The following FHIT variants were observed in gnomAD, a reference collection of about 807,000 sequenced individuals.
The protein encoded by FHIT is bis(5'-adenosyl)-triphosphatase.
FHIT carries 19 observed loss-of-function variants against 17.9 expected under a neutral mutation model. The observed-to-expected ratio is 1.06, with a 90% CI of 0.74 to 1.56. FHIT has a LOEUF of 1.56. Among genes scored for constraint, FHIT ranks in the 40% most tolerant of loss-of-function variants. FHIT has a pLI of 0.00. For synonymous variants in FHIT, 81 were observed against 69.7 expected (o/e 1.16, Z -0.81); for missense variants, 248 against 189.2 (o/e 1.31, Z -1.82).
chr3:61,123,143 C>T (rs1264468079), intron 2 of FHIT, among the ~76,000 whole-genome samples: 6 of 152,146 alleles, frequency 3.9e-5, no homozygotes, highest in Non-Finnish European at 2.9e-5. Flanking sequence ...AAATGTGGCA[C>T]ATATACACCA....
At chr3:60,145,912 G>A (rs1424617222) in intron 5 of FHIT, among the ~76,000 whole-genome samples, 2 of 152,038 alleles carry the variant, frequency 1.3e-5, no homozygotes, top group Non-Finnish European at 2.9e-5. Context: ...AATCTGTCAG[G>A]TTGTTATAAA....
intron 8 of FHIT, among the ~76,000 whole-genome samples, chr3:59,843,703 G>A (rs1052491853): frequency 6.6e-6 from 1 of 151,280 alleles, no homozygotes; most frequent in Non-Finnish European, 1.5e-5. Context: ...GGATAAAAAT[G>A]CAATGTATTT....
chr3:59,898,334 T>A (rs1229765321), intron 8 of FHIT, among the ~76,000 whole-genome samples: 1 of 152,140 alleles, frequency 6.6e-6, no homozygotes, highest in African/African-American at 2.4e-5. Context: ...ATCTGACAAC[T>A]GAACCACTTC....
intron 5 of FHIT, among the ~76,000 whole-genome samples, chr3:60,481,030 C>T (rs991030818): frequency 5.3e-5 from 8 of 152,160 alleles, no homozygotes; most frequent in Non-Finnish European, 1.2e-4. Context: ...GAGGGCTCTG[C>T]CCCTGCAGTA....
At chr3:60,537,251 C>T (rs1182323177) in intron 4 of FHIT, among the ~76,000 whole-genome samples, 1 of 152,044 alleles carries the variant, frequency 6.6e-6, no homozygotes, top group Non-Finnish European at 1.5e-5. Flanking sequence ...CCCTTCACTC[C>T]CTCTGCACTT....
chr3:60,521,922 T>C (rs2035383305), intron 5 of FHIT, among the ~76,000 whole-genome samples: 1 of 152,088 alleles, frequency 6.6e-6, no homozygotes, highest in African/African-American at 2.4e-5. Context: ...CTTGTAACCA[T>C]CATTTCCATG....
At chr3:60,260,571 C>A (rs1171661068) in intron 5 of FHIT, among the ~76,000 whole-genome samples, 1 of 151,952 alleles carries the variant, frequency 6.6e-6, no homozygotes, top group African/African-American at 2.4e-5. Flanking sequence ...GCCTCTATAA[C>A]CTTAATGAAT....
chr3:60,173,884 A>AATATATATATATATATATATATAT (rs776742490), intron 5 of FHIT, among the ~76,000 whole-genome samples: 4 of 30,504 alleles, frequency 1.3e-4, no homozygotes, highest in East Asian at 1.4e-3. Flanking sequence ...CCATGTTTCT[A>AATATATATATATATATATATATAT]ATATATATAT....
At chr3:61,063,640 T>G (rs373381960) in intron 2 of FHIT, among the ~76,000 whole-genome samples, 1 of 151,928 alleles carries the variant, frequency 6.6e-6, no homozygotes, top group Admixed American at 6.6e-5. Flanking sequence ...CACAAATGAA[T>G]ATGGGGGCCA....
At chr3:60,489,571 A>G (rs2033978742) in intron 5 of FHIT, among the ~76,000 whole-genome samples, 1 of 152,192 alleles carries the variant, frequency 6.6e-6, no homozygotes, top group Non-Finnish European at 1.5e-5. Context: ...AAGTCCACTT[A>G]TCACTCACAC....
At chr3:59,996,113 G>A (rs566742575) in intron 7 of FHIT, among the ~76,000 whole-genome samples, 5 of 152,150 alleles carry the variant, frequency 3.3e-5, no homozygotes, top group African/African-American at 1.2e-4. Flanking sequence ...GAATAAAGAC[G>A]ATGTGTGCTA....
intron 5 of FHIT, among the ~76,000 whole-genome samples, chr3:60,296,849 A>AT (rs1209299014): frequency 6.8e-6 from 1 of 147,472 alleles, no homozygotes; most frequent in African/African-American, 2.5e-5. Context: ...GTATAGGTTA[A>AT]TTTTTTTTCC....
At chr3:61,129,212 C>T (rs1199063496) in intron 2 of FHIT, among the ~76,000 whole-genome samples, 1 of 152,212 alleles carries the variant, frequency 6.6e-6, no homozygotes, top group Admixed American at 6.5e-5. Flanking sequence ...AACAGCATGC[C>T]AGTCCCAATG....
chr3:60,779,465 C>G (rs1244530898), intron 4 of FHIT, among the ~76,000 whole-genome samples: 1 of 152,058 alleles, frequency 6.6e-6, no homozygotes, highest in Non-Finnish European at 1.5e-5. Flanking sequence ...ATAGGGTGCC[C>G]ATTACCAGGA....
intron 1 of FHIT, among the ~76,000 whole-genome samples, chr3:61,208,106 T>C (rs969097998): frequency 9.9e-5 from 15 of 152,198 alleles, no homozygotes; most frequent in Non-Finnish European, 1.9e-4. Context: ...TTGTTCAGTT[T>C]CCATGTAATT....
chr3:60,162,148 C>G (rs1288325308), intron 5 of FHIT, among the ~76,000 whole-genome samples: 2 of 152,106 alleles, frequency 1.3e-5, no homozygotes, highest in Non-Finnish European at 2.9e-5. Context: ...AAAGGCCATT[C>G]TAGTGCTATT....
At chr3:60,293,048 ACATTAAACC>A (rs1708058258) in intron 5 of FHIT, among the ~76,000 whole-genome samples, 1 of 152,338 alleles carries the variant, frequency 6.6e-6, no homozygotes, top group Non-Finnish European at 1.5e-5. Flanking sequence ...TACATATAGT[ACATTAAACC>A]CACAGCTTTC....
chr3:60,828,633 C>T (rs556436105), intron 3 of FHIT, among the ~76,000 whole-genome samples: 2 of 151,952 alleles, frequency 1.3e-5, no homozygotes, highest in South Asian at 2.1e-4. Flanking sequence ...AATCCCAGCA[C>T]GTTGGGAGGT....
chr3:61,048,364 G>C (rs1244619949), intron 2 of FHIT, among the ~76,000 whole-genome samples: 3 of 152,128 alleles, frequency 2.0e-5, no homozygotes, highest in Non-Finnish European at 2.9e-5. Context: ...GCAGCCAACA[G>C]ACACATGAAA....
Sources: allele counts gnomAD v4.1 joint callset (sites outside exome capture counted in the v4.1 genomes callset), GRCh38; gene constraint gnomAD v4.1.1; transcripts MANE v1.5; gene names NCBI Gene and HGNC (gene_info 2026-07-23, HGNC 2026-07-21).